USP13: variants seen among roughly 807,000 people sequenced by gnomAD.
The protein encoded by USP13 is ubiquitin specific peptidase 13, also known as ubiquitin carboxyl-terminal hydrolase 13.
USP13 carries 68 observed loss-of-function variants against 107.8 expected under a neutral mutation model. That is an observed-to-expected ratio of 0.63 (90% CI 0.52 to 0.77). The LOEUF is 0.77. Ranked by LOEUF, USP13 falls within the 30% of genes least tolerant of loss-of-function variation. The pLI is 0.00. For missense variants in USP13, 945 were observed against 1,093.3 expected (o/e 0.86, Z 1.91); for synonymous variants, 377 against 389.5 (o/e 0.97, Z 0.38).
At position 179,727,662 on chromosome 3, in the gene USP13, G is replaced by A. The variant is rs576358098; in HGVS notation, c.1089-2527G>A. ...AAAACCGCCATTGTCATCATGGCCC[G>A]TTCTCAATGAGCTGTTGGGTACACC... On this transcript the variant is annotated intron_variant, in intron 8 of 20. Transcript: ENST00000263966. 2.3e-4 allele frequency among the ~76,000 whole-genome samples: 18 copies of A among 77,426 alleles called. 2 individuals carry two copies. The East Asian group carries it at 3.2e-3, about 14-fold the overall frequency. The allele number at this position is 77,426 out of a possible 152,430, so 50.8% of individuals were successfully genotyped here.
rs1329483664 is a variant in USP13, at chr3:179,742,644, GTAA to G, written c.1534+296_1534+298del. Among the ~76,000 whole-genome samples, 1 of 152,180 alleles carries G rather than the reference GTAA, an allele frequency of 6.6e-6. No individual in the cohort carries two copies. The highest frequency in any genetic ancestry group is 1.5e-5 in the Non-Finnish European group (1 of 68,012). ...AGCATAATTTTGGGGAAAATTATTG[GTAA>G]TGATGTATGTAGAAAATTCTTTAAC... On this transcript the variant is annotated intron_variant, in intron 12 of 20. Transcript: ENST00000263966. The surrounding 1 kb of genome is among the most constrained non-coding windows in gnomAD (Gnocchi z 5.0).
rs1332634592 is a variant in USP13, at chr3:179,730,682, T to C, written c.1227T>C (p.Ile409=). The change falls in exon 10 of 21, where the codon ATT becomes ATC. Residue 409 remains isoleucine (I), a synonymous_variant. Coordinates refer to ENST00000263966, the MANE Select transcript of USP13 (RefSeq NM_003940.3). ...AGCCTCCGGTGAAATCTGAACTCAT[T>C]GAACAGGTGATGAAGGAGGAGCACA... The part of the protein sequence containing the change: ...YSKPPVKSEL[I]EQVMKEEHKP... 1 of 1,613,984 alleles carries C rather than the reference T, an allele frequency of 6.2e-7. No individual in the cohort carries two copies. The highest frequency in any genetic ancestry group is 1.3e-5 in the African/African-American group (1 of 74,924).
chr3:179,736,125 G>T (rs1052565552), intron 10 of USP13, among the ~76,000 whole-genome samples: 4 of 152,160 alleles, frequency 2.6e-5, no homozygotes, highest in African/African-American at 9.7e-5. Flanking sequence ...TCCATCTTCT[G>T]ATTTTTTCCT....
chr3:179,731,612 C>G (rs983064881), intron 10 of USP13, among the ~76,000 whole-genome samples: 1 of 152,128 alleles, frequency 6.6e-6, no homozygotes, highest in African/African-American at 2.4e-5. Context: ...TTTTAATGGC[C>G]AGACCTGCAT....
intron 3 of USP13, among the ~76,000 whole-genome samples, chr3:179,695,121 C>T (rs1011953635): frequency 1.1e-4 from 16 of 152,204 alleles, no homozygotes; most frequent in Admixed American, 5.9e-4. Context: ...ATTGTTTCCT[C>T]ATGGAGAGGA....
intron 11 of USP13, 44 bp downstream of exon 11, chr3:179,740,416 G>A (rs1401268709): frequency 1.2e-6 from 2 of 1,612,398 alleles, no homozygotes; most frequent in Non-Finnish European, 8.5e-7. Flanking sequence ...GTTGTAAGAG[G>A]GTGCCGAGCC....
At chr3:179,697,083 C>G (rs572346608) in intron 3 of USP13, among the ~76,000 whole-genome samples, 1 of 152,244 alleles carries the variant, frequency 6.6e-6, no homozygotes, top group African/African-American at 2.4e-5. Flanking sequence ...GAAAGTGGAA[C>G]TTCCAAGGAG....
At chr3:179,707,311 C>T (rs1712758438) in intron 5 of USP13, among the ~76,000 whole-genome samples, 1 of 102,332 alleles carries the variant, frequency 9.8e-6, no homozygotes, top group Non-Finnish European at 2.2e-5. Context: ...CAAGCACTTG[C>T]AACGCTTTGC....
At chr3:179,706,605 T>C (rs1363627172) in intron 4 of USP13, among the ~76,000 whole-genome samples, 1 of 152,200 alleles carries the variant, frequency 6.6e-6, no homozygotes, top group Non-Finnish European at 1.5e-5. Flanking sequence ...CTGTATCTAA[T>C]TTCACCCTTG....
intron 1 of USP13, among the ~76,000 whole-genome samples, chr3:179,661,474 T>A (rs990928242): frequency 2.7e-5 from 4 of 149,480 alleles, no homozygotes; most frequent in African/African-American, 7.5e-5. Flanking sequence ...TTTTTTTTTT[T>A]ATTCTCTGAA....
chr3:179,718,842 C>T (rs569318930), intron 6 of USP13, among the ~76,000 whole-genome samples: 67 of 152,090 alleles, frequency 4.4e-4, no homozygotes, highest in African/African-American at 1.4e-3. Context: ...CTGCAAGCTT[C>T]GCCTCCTGGG....
intron 2 of USP13, among the ~76,000 whole-genome samples, chr3:179,686,088 T>C (rs892928764): frequency 2.6e-5 from 4 of 152,188 alleles, no homozygotes; most frequent in Non-Finnish European, 5.9e-5. Flanking sequence ...TCCTCTTCCA[T>C]TGCGCCCTCT....
chr3:179,657,776 A>AG (rs1406149511), intron 1 of USP13, among the ~76,000 whole-genome samples: 5 of 147,540 alleles, frequency 3.4e-5, no homozygotes, highest in Non-Finnish European at 4.4e-5. Flanking sequence ...AAAAAAAAAA[A>AG]AAAAAAAAAA....
At chr3:179,677,575 A>G (rs927419222) in intron 1 of USP13, among the ~76,000 whole-genome samples, 2 of 152,088 alleles carry the variant, frequency 1.3e-5, no homozygotes, top group Non-Finnish European at 2.9e-5. Flanking sequence ...AACAAAATTC[A>G]ATGAGAAAAT....
rs372026666 is a variant in USP13 at position 179,653,413 on chromosome 3, G to A, written c.168+20G>A. On this transcript the variant is annotated intron_variant, in intron 1 of 20. Transcript: ENST00000263966. The surrounding 1 kb of genome is among the most constrained non-coding windows in gnomAD (Gnocchi z 4.0). ...TCTCCCGTAAGTGAGGCGCCTCGGG[G>A]GAGGGTCGCGGGGCCGGCGGCCTGC... 1.5e-5 allele frequency: 23 copies of A among 1,545,706 alleles called. No homozygotes were observed. Among genetic ancestry groups the A allele is most frequent in the Non-Finnish European group, 2.0e-5 (23 of 1,142,984 alleles).
chr3:179,699,692 C>T (rs1712442042), intron 3 of USP13, among the ~76,000 whole-genome samples: 1 of 87,232 alleles, frequency 1.1e-5, no homozygotes, highest in South Asian at 4.3e-4. Context: ...AGAGTGACAC[C>T]CTGCCTCAAA....
intron 19 of USP13, among the ~76,000 whole-genome samples, chr3:179,772,957 C>A (rs1024262446): frequency 2.6e-5 from 4 of 152,202 alleles, no homozygotes; most frequent in Non-Finnish European, 5.9e-5. Context: ...TCCAAATACT[C>A]CTCCCTCCCA....
chr3:179,771,539 C>T (rs941539356), intron 19 of USP13, among the ~76,000 whole-genome samples: 1 of 152,210 alleles, frequency 6.6e-6, no homozygotes, highest in Non-Finnish European at 1.5e-5. Context: ...ATTAGGAACT[C>T]TGGGTGAGGC....
chr3:179,765,881 T>C (rs1715158220), intron 19 of USP13, 33 bp downstream of exon 19: 1 of 1,607,528 alleles, frequency 6.2e-7, no homozygotes, highest in Admixed American at 1.7e-5. Context: ...GTCTGAGCAG[T>C]CAGAACTATA....
Sources: gnomAD v4.1 joint callset for allele counts (sites outside exome capture counted in the v4.1 genomes callset) on GRCh38, gnomAD v4.1.1 for gene constraint, Gnocchi (gnomAD v3.1) non-coding constraint, MANE v1.5 for transcripts, NCBI Gene and HGNC (gene_info 2026-07-23, HGNC 2026-07-21) for gene names.